The following ZNF23 variants were observed in gnomAD, a reference collection of about 807,000 sequenced individuals.
ZNF23 encodes kruppel-like zinc finger factor X31.
A neutral mutation model predicts 56.2 loss-of-function variants in ZNF23; 48 were observed. The ratio of observed to expected loss-of-function variants is 0.85; its 90% CI spans 0.68 to 1.09. The LOEUF (loss-of-function observed/expected upper bound fraction) is 1.09. Ranked by LOEUF, ZNF23 falls within the 50% of genes least tolerant of loss-of-function variation. ZNF23 has a pLI of 0.00. For missense variants in ZNF23, 805 were observed against 811.4 expected, an observed-to-expected ratio of 0.99 and a Z score of 0.10; for synonymous variants, 266 against 283.3, an observed-to-expected ratio of 0.94 and a Z score of 0.61.
chr16:71,449,738 C>T lies in ZNF23; in HGVS notation c.416G>A (p.Gly139Glu). The T allele has an allele frequency of 6.2e-7, 1 of 1,614,040 alleles. No individual in the cohort carries two copies. Among genetic ancestry groups the T allele is most frequent in the Admixed American group, 1.7e-5 (1 of 60,022 alleles). The change falls in exon 5 of 5, where the codon GGA becomes GAA. Residue 139 changes from glycine (G) to glutamate (E), a missense_variant. Transcript: ENST00000647773. The part of the protein sequence containing the change: ...LEKQQEVHSA[G>E]NIKKEKSNTI... Reference sequence around the variant, plus strand: ...GTTGCTCTTCTCCTTCTTTATATTTCCTGCTGAGTGGACTTCCTGTTGTTT... The same window carrying T: ...GTTGCTCTTCTCCTTCTTTATATTTTCTGCTGAGTGGACTTCCTGTTGTTT...
intron 1 of ZNF23, among the ~76,000 whole-genome samples, chr16:71,457,603 T>C (rs2043285639): frequency 6.7e-6 from 1 of 150,366 alleles, no homozygotes; most frequent in Admixed American, 6.6e-5. Flanking sequence ...CACATGCCTG[T>C]GGTCCCAGCT....
At chr16:71,461,955 G>A (rs1014829794) in intron 1 of ZNF23, 3 of 152,300 alleles carry the variant, frequency 2.0e-5, no homozygotes, top group Admixed American at 6.5e-5. Context: ...AATGCTCAGG[G>A]CCTCGTGGCT....
intron 1 of ZNF23, among the ~76,000 whole-genome samples, chr16:71,458,693 C>T (rs1302086757): frequency 6.6e-6 from 1 of 152,172 alleles, no homozygotes; most frequent in Non-Finnish European, 1.5e-5. Context: ...ACCACTCACT[C>T]CCCGCCTCCC....
chr16:71,449,077 C>T lies in ZNF23; in HGVS notation c.1077G>A (p.Ala359=), dbSNP rs74391299. ...GAATTAATTTTGCATTAACATTGAA[C>T]GCTTTCCCACAGTCATTACACTCGT... is the stretch of plus-strand genomic sequence containing the variant. ...KPYECNDCGK[A]FNVNAKLIQH... The change falls in exon 5 of 5, where the codon GCG becomes GCA. Residue 359 remains alanine, a synonymous_variant. Coordinates refer to ENST00000647773, the MANE Select transcript of ZNF23 (RefSeq NM_001381984.1). 4.1e-3 allele frequency: 6,629 copies of T among 1,614,078 alleles called. 204 individuals are homozygous for T. In the African/African-American group the frequency reaches 0.072, roughly 18 times the overall value.
chr16:71,456,007 T>C (rs2145111509), intron 2 of ZNF23: 1 of 456,562 alleles, frequency 2.2e-6, no homozygotes, highest in South Asian at 1.5e-5. Flanking sequence ...AAGGGCTTAG[T>C]ATGGCTCCTG....
chr16:71,456,803 G>A lies in ZNF23; in HGVS notation c.-7C>T. On this transcript the variant is annotated 5_prime_UTR_variant, in exon 2 of 5. Transcript: ENST00000647773. ...TCAGGTGCATGGCTGCCATCCCCTG[G>A]TCCCCGTCTCAGAGAAGGGCTGGAG... is the stretch of plus-strand genomic sequence containing the variant. 2.0e-6 allele frequency: 2 copies of A among 985,918 alleles called. No homozygotes were observed. Among genetic ancestry groups the A allele is most frequent in the Non-Finnish European group, 2.4e-6 (2 of 829,996 alleles). The allele number at this position is 985,918 out of a possible 1,614,324, so 61.1% of individuals were successfully genotyped here. A position where few individuals can be genotyped will look rare whatever the true frequency, so the allele number is the denominator to read the frequency against.
At chr16:71,452,194 A>G (rs1250086767) in intron 4 of ZNF23, 1 of 152,148 alleles carries the variant, frequency 6.6e-6, no homozygotes, top group Non-Finnish European at 1.5e-5. Flanking sequence ...TCACAATATC[A>G]CTTTTTTCCC....
Position 71,449,447 on chromosome 16 carries a change from T to A in ZNF23, c.707A>T (p.Glu236Val). ...LIQHQENNTE[E>V]KPYQCSECGK... Reference sequence around the variant, plus strand: ...ACACTCCGAACACTGATAAGGCTTTTCCTCAGTGTTGTTCTCTTGATGTTG... The same window carrying A: ...ACACTCCGAACACTGATAAGGCTTTACCTCAGTGTTGTTCTCTTGATGTTG... The change falls in exon 5 of 5, where the codon GAA (glutamate) becomes GTA (valine). Residue 236 changes from glutamate (E) to valine (V), a missense_variant. By Grantham distance (121) the Glu-to-Val change is moderately radical (BLOSUM62 -2). Transcript: ENST00000647773. The A allele has an allele frequency of 6.2e-7, 1 of 1,614,254 alleles. No homozygotes were observed. The highest frequency in any genetic ancestry group is 8.5e-7 in the Non-Finnish European group (1 of 1,180,054).
At chr16:71,460,789 T>C (rs2043416560) in intron 1 of ZNF23, among the ~76,000 whole-genome samples, 1 of 152,226 alleles carries the variant, frequency 6.6e-6, no homozygotes, top group African/African-American at 2.4e-5. Context: ...TAATTCAACA[T>C]TTGTGCCTAA....
intron 1 of ZNF23, among the ~76,000 whole-genome samples, chr16:71,459,696 TTC>T (rs1167842419): frequency 1.3e-5 from 2 of 152,246 alleles, no homozygotes; most frequent in African/African-American, 4.8e-5. Flanking sequence ...CAGTCAGCAA[TTC>T]TGTTTTGTCT....
At chr16:71,453,845 C>G in intron 3 of ZNF23, 197 bp downstream of exon 3, 1 of 643,184 alleles carries the variant, frequency 1.6e-6, no homozygotes, top group Non-Finnish European at 2.7e-6. Flanking sequence ...ATACCAGTTC[C>G]AAGCAAAGTC....
Position 71,449,869 on chromosome 16 carries a change from G to T in ZNF23, c.285C>A (p.Asp95Glu), listed in dbSNP as rs757487967. 1 of 1,602,622 alleles carries T rather than the reference G, an allele frequency of 6.2e-7. No individual in the cohort carries two copies. Among genetic ancestry groups the T allele is most frequent in the Non-Finnish European group, 8.5e-7 (1 of 1,176,772 alleles). The change falls in exon 5 of 5, where the codon GAC (aspartate) becomes GAA (glutamate). Residue 95 changes from aspartate (D) to glutamate (E), a missense_variant. Asp to Glu is a conservative substitution (Grantham distance 45). Coordinates refer to ENST00000647773, the MANE Select transcript of ZNF23 (RefSeq NM_001381984.1). Reference protein sequence around the residue: ...QGLQTVDIQTDNDLTKEMYEG... With the variant: ...QGLQTVDIQTENDLTKEMYEG... ...CATACATTTCCTTTGTCAAATCATTGTCAGTCTGAATATCTACTATAAAAA... is the reference window on the plus strand; with the variant it reads ...CATACATTTCCTTTGTCAAATCATTTTCAGTCTGAATATCTACTATAAAAA...
At chr16:71,455,255 T>C (rs2145105993) in intron 2 of ZNF23, among the ~76,000 whole-genome samples, 1 of 152,188 alleles carries the variant, frequency 6.6e-6, no homozygotes, top group South Asian at 2.1e-4. Context: ...TCAGCTGGGG[T>C]CAGAATCACC....
Position 71,449,305 on chromosome 16 carries a change from G to A in ZNF23, c.849C>T (p.Ile283=), listed in dbSNP as rs1283701603. The A allele has an allele frequency of 1.2e-6, 2 of 1,614,032 alleles. No homozygotes were observed. The highest frequency in any genetic ancestry group is 1.1e-5 in the South Asian group (1 of 91,076). The part of the protein sequence containing the change: ...GKSFSYSSHY[I]THQTIHSGEK... ...CCCCACTGTGGATTGTCTGATGTGTGATATAATGGGAACTGTAGCTGAAGC... is the reference window on the plus strand; with the variant it reads ...CCCCACTGTGGATTGTCTGATGTGTAATATAATGGGAACTGTAGCTGAAGC... The change falls in exon 5 of 5, where the codon ATC becomes ATT. Residue 283 remains isoleucine (I), a synonymous_variant. Transcript: ENST00000647773.
intron 2 of ZNF23, among the ~76,000 whole-genome samples, chr16:71,455,439 C>T (rs2043195617): frequency 6.6e-6 from 1 of 152,182 alleles, no homozygotes; most frequent in Admixed American, 6.5e-5. Flanking sequence ...TCACTGCACC[C>T]TCTGCCTCCC....
intron 1 of ZNF23, among the ~76,000 whole-genome samples, chr16:71,459,187 A>G (rs529783024): frequency 5.9e-5 from 9 of 152,330 alleles, no homozygotes; most frequent in Non-Finnish European, 1.2e-4. Context: ...CTGGTGTCCT[A>G]TGTGGGACAC....
At chr16:71,460,318 GTT>G (rs74907384) in intron 1 of ZNF23, among the ~76,000 whole-genome samples, 6 of 149,234 alleles carry the variant, frequency 4.0e-5, no homozygotes, top group Non-Finnish European at 8.9e-5. Flanking sequence ...CAAGGGGATA[GTT>G]TTTTTTTTTA....
chr16:71,455,360 T>C (rs910732992), intron 2 of ZNF23, among the ~76,000 whole-genome samples: 4 of 148,314 alleles, frequency 2.7e-5, no homozygotes, highest in Non-Finnish European at 4.5e-5. Flanking sequence ...GTCCGAAAGA[T>C]TTTTTTTTTT....
chr16:71,455,621 TG>T (rs2043202622), intron 2 of ZNF23, among the ~76,000 whole-genome samples: 1 of 152,084 alleles, frequency 6.6e-6, no homozygotes, highest in South Asian at 2.1e-4. Context: ...CCTCGCAAAG[TG>T]CTGGGATTAC....
Sources: allele counts gnomAD v4.1 joint callset (sites outside exome capture counted in the v4.1 genomes callset), GRCh38; gene constraint gnomAD v4.1.1; transcripts MANE v1.5; gene names NCBI Gene and HGNC (gene_info 2026-07-23, HGNC 2026-07-21).